The following EXT2 variants were observed in gnomAD, a reference collection of about 807,000 sequenced individuals.
EXT2 encodes exostosin-2.
In EXT2, 53 loss-of-function variants were observed where a neutral mutation model predicts 81.6. The ratio of observed to expected loss-of-function variants is 0.65; its 90% CI spans 0.52 to 0.82. The LOEUF is 0.82. EXT2 is among the 40% of genes least tolerant of loss of function. EXT2 has a pLI of 0.00. For synonymous variants in EXT2, 320 were observed against 340.0 expected (o/e 0.94, Z 0.65); for missense variants, 774 against 910.2 (o/e 0.85, Z 1.93).
intron 8 of EXT2, among the ~76,000 whole-genome samples, chr11:44,186,504 A>G (rs924933149): frequency 1.3e-5 from 2 of 152,226 alleles, no homozygotes; most frequent in Non-Finnish European, 2.9e-5. Flanking sequence ...CTGAAAAGCA[A>G]TCAGTGGCAA....
rs146507918 is a variant in EXT2 at position 44,148,669 on chromosome 11, A to G, written c.1173+18531A>G. Among the ~76,000 whole-genome samples, 433 of 152,342 alleles carry G rather than the reference A, an allele frequency of 2.8e-3. 1 individual carries two copies. Among genetic ancestry groups the G allele is most frequent in the Middle Eastern group, 0.01 (3 of 294 alleles). ...AGCGCCCAATACATAATAACTGCCT[A>G]ATTTAATCAACAGATATTTATTGAG... is the stretch of plus-strand genomic sequence containing the variant. On this transcript the variant is annotated intron_variant, in intron 7 of 13. Coordinates refer to ENST00000533608, the MANE Select transcript of EXT2 (RefSeq NM_207122.2).
chr11:44,223,721 G>A (rs749101124), intron 10 of EXT2, among the ~76,000 whole-genome samples: 29 of 148,018 alleles, frequency 2.0e-4, no homozygotes, highest in Non-Finnish European at 2.1e-4. Context: ...CGTGATCTCC[G>A]CTTACTGCAA....
chr11:44,185,189 C>G (rs1376943481), intron 8 of EXT2, among the ~76,000 whole-genome samples: 1 of 152,224 alleles, frequency 6.6e-6, no homozygotes, highest in Non-Finnish European at 1.5e-5. Flanking sequence ...ACCAAGTCTC[C>G]TGTTCCAGCA....
At chr11:44,117,077 C>T (rs1954232528) in intron 4 of EXT2, among the ~76,000 whole-genome samples, 1 of 150,964 alleles carries the variant, frequency 6.6e-6, no homozygotes, top group Non-Finnish European at 1.5e-5. Context: ...TCAAGCGATT[C>T]TCCTGCCTCA....
At chr11:44,154,456 A>C (rs1264261857) in intron 7 of EXT2, among the ~76,000 whole-genome samples, 1 of 152,154 alleles carries the variant, frequency 6.6e-6, no homozygotes, top group Non-Finnish European at 1.5e-5. Context: ...TCCATGTTGC[A>C]AATGACAGGA....
intron 8 of EXT2, among the ~76,000 whole-genome samples, chr11:44,180,811 A>G (rs987791031): frequency 5.9e-5 from 9 of 152,120 alleles, no homozygotes; most frequent in African/African-American, 2.2e-4. Flanking sequence ...CATGTCCTAA[A>G]GTTATTCTGG....
At chr11:44,137,831 G>A (rs1052466850) in intron 7 of EXT2, among the ~76,000 whole-genome samples, 1 of 152,152 alleles carries the variant, frequency 6.6e-6, no homozygotes, top group African/African-American at 2.4e-5. Context: ...GACTTGCTTT[G>A]TTCCTAGTAT....
In EXT2 at chr11:44,114,198, G is replaced by A. The variant is rs550761834; in HGVS notation, c.640G>A (p.Gly214Ser). The change falls in exon 4 of 14, where the codon GGT becomes AGT. Residue 214 changes from glycine to serine, a missense_variant. Physicochemically the swap from Gly to Ser is moderately conservative, Grantham distance 56 (BLOSUM62 0). Around this residue, in one of 2 missense-constraint regions of EXT2, gnomAD observed 626 missense variants for 670.5 expected, o/e 0.93. Transcript: ENST00000533608. ...DVPRDRALLA[G>S]GGFSTWTYRQ... ...CTTTGCTTTCAGGGCCCTGTTGGCTGGTGGCGGCTTTTCTACGTGGACTTA... is the reference window on the plus strand; with the variant it reads ...CTTTGCTTTCAGGGCCCTGTTGGCTAGTGGCGGCTTTTCTACGTGGACTTA... The A allele has an allele frequency of 3.7e-6, 6 of 1,614,080 alleles. No homozygotes were observed. The East Asian group carries it at 1.1e-4, about 30-fold the overall frequency.
At chr11:44,187,839 A>T (rs56269220) in intron 8 of EXT2, among the ~76,000 whole-genome samples, 2 of 152,148 alleles carry the variant, frequency 1.3e-5, no homozygotes, top group African/African-American at 4.8e-5. Flanking sequence ...CTCTTTTTTT[A>T]AATGAGGAAA....
intron 11 of EXT2, 136 bp from the exon 12 acceptor site, chr11:44,233,979 C>T: frequency 8.0e-7 from 1 of 1,250,346 alleles, no homozygotes; most frequent in Non-Finnish European, 1.1e-6. Context: ...TCCTTTTACC[C>T]TTCCTATTAA....
rs1565203792 is a variant in EXT2, at chr11:44,124,945, C to G, written c.900C>G (p.Cys300Trp). The G allele has an allele frequency of 6.2e-7, 1 of 1,613,500 alleles. No homozygotes were observed. The highest frequency in any genetic ancestry group is 8.5e-7 in the Non-Finnish European group (1 of 1,180,042). The stretch of plus-strand genomic sequence containing the variant: ...GTGTCCTTTCTGTCCGTAAGCGCTG[C>G]CACAAGCACCAGGTCTTCGATTACC... ...SEGVLSVRKR[C>W]HKHQVFDYPQ... Residue 300 changes from cysteine (C) to tryptophan (W), a missense_variant, in exon 5 of 14, where the codon TGC (cysteine) becomes TGG (tryptophan). Around this residue, in one of 2 missense-constraint regions of EXT2, gnomAD observed 626 missense variants for 670.5 expected, o/e 0.93. Transcript: ENST00000533608.
intron 9 of EXT2, among the ~76,000 whole-genome samples, chr11:44,204,036 T>C (rs1218031940): frequency 2.0e-5 from 3 of 152,216 alleles, no homozygotes; most frequent in Non-Finnish European, 4.4e-5. Flanking sequence ...TGTTATTTCT[T>C]CTCAACTATT....
In EXT2 at chr11:44,109,263, C is replaced by T. The variant is rs774991644; in HGVS notation, c.606C>T (p.Ala202=). ...LPGGPPDYNT[A]LDVPRDRALL... is the part of the protein sequence containing the mutation. ...GAGGTCCCCCAGATTATAACACAGCCCTGGATGTCCCCAGAGACAGGTAGG... is the reference window on the plus strand; with the variant it reads ...GAGGTCCCCCAGATTATAACACAGCTCTGGATGTCCCCAGAGACAGGTAGG... The change falls in exon 3 of 14, where the codon GCC becomes GCT. Residue 202 remains alanine, a synonymous_variant. Transcript: ENST00000533608. 2 of 1,614,026 alleles carry T rather than the reference C, an allele frequency of 1.2e-6. No homozygotes were observed. Among genetic ancestry groups the T allele is most frequent in the South Asian group, 2.2e-5 (2 of 91,082 alleles).
chr11:44,100,186 A>T (rs12225147), intron 1 of EXT2, among the ~76,000 whole-genome samples: 31,437 of 151,994 alleles, frequency 0.21, 3,642 homozygotes, highest in East Asian at 0.34. Flanking sequence ...CCTTACTTCC[A>T]CACTCTGGCT....
chr11:44,207,226 A>G (rs867066854), intron 10 of EXT2, among the ~76,000 whole-genome samples: 1 of 152,324 alleles, frequency 6.6e-6, no homozygotes, highest in African/African-American at 2.4e-5. Flanking sequence ...TCAAAAGAGC[A>G]TCTATAGCAT....
intron 8 of EXT2, among the ~76,000 whole-genome samples, chr11:44,177,596 A>G (rs1955176467): frequency 6.6e-6 from 1 of 152,216 alleles, no homozygotes; most frequent in Non-Finnish European, 1.5e-5. Context: ...TTAAAAACTA[A>G]ATGTAATATA....
intron 8 of EXT2, among the ~76,000 whole-genome samples, chr11:44,181,329 T>A (rs1565224788): frequency 6.6e-6 from 1 of 152,226 alleles, no homozygotes; most frequent in East Asian, 1.9e-4. Context: ...TCTAAAATTT[T>A]ATGATGATAC....
chr11:44,135,428 G>A (rs1452877787), intron 7 of EXT2, among the ~76,000 whole-genome samples: 1 of 144,584 alleles, frequency 6.9e-6, no homozygotes, highest in East Asian at 2.0e-4. Context: ...GGCTCGTTGT[G>A]TCACCCAGGC....
chr11:44,167,118 A>G (rs1247222819), intron 7 of EXT2, among the ~76,000 whole-genome samples: 4 of 152,182 alleles, frequency 2.6e-5, no homozygotes, highest in African/African-American at 9.7e-5. Flanking sequence ...ATGGGGTCCC[A>G]GCAGAAAGCA....
Sources: gnomAD v4.1 joint callset for allele counts (sites outside exome capture counted in the v4.1 genomes callset) on GRCh38, gnomAD v4.1.1 for gene constraint, gnomAD v4.1.1 regional missense constraint, MANE v1.5 for transcripts, NCBI Gene and HGNC (gene_info 2026-07-23, HGNC 2026-07-21) for gene names.